ZCWPW2: variants seen among roughly 807,000 people sequenced by gnomAD.
ZCWPW2 encodes zinc finger CW-type PWWP domain protein 2.
ZCWPW2 carries 45 observed loss-of-function variants against 46.6 expected under a neutral mutation model. That is an observed-to-expected ratio of 0.96 (90% confidence interval 0.76 to 1.24). The LOEUF (loss-of-function observed/expected upper bound fraction) is 1.24, where lower values mean the gene tolerates loss of function less well. Among genes scored for constraint, ZCWPW2 ranks in the 50% most tolerant of loss-of-function variants. The probability of loss-of-function intolerance (pLI) is 0.00; values close to 1 mark genes in which losing one functional copy is unlikely to be tolerated. For missense variants in ZCWPW2, 429 were observed against 403.9 expected (o/e 1.06, Z -0.53); for synonymous variants, 152 against 137.1 (o/e 1.11, Z -0.76).
chr3:28,487,768 T>C lies in ZCWPW2; in HGVS notation c.611-4359T>C, dbSNP rs555232247. 5.9e-5 allele frequency among the ~76,000 whole-genome samples: 9 copies of C among 152,258 alleles called. No homozygotes were observed. The South Asian group carries it at 6.2e-4, about 11-fold the overall frequency. ...GACATGAGGGGGAGGGAAAGCATTC[T>C]ATGTTCCTATGATAAAGTCTCAGTC... is the stretch of plus-strand genomic sequence containing the variant. On this transcript the variant is annotated intron_variant, in intron 5 of 9. Coordinates refer to ENST00000383768, the MANE Select transcript of ZCWPW2 (RefSeq NM_001040432.4).
At position 28,351,401 on chromosome 3, in the gene ZCWPW2, G is replaced by C. The variant is rs573039354; in HGVS notation, c.-134+2198G>C. 3.3e-5 allele frequency among the ~76,000 whole-genome samples: 5 copies of C among 151,512 alleles called. 1 individual carries two copies. The South Asian group carries it at 1.0e-3, about 32-fold the overall frequency. ...CCGAGACTGGGTTCCCTTTTTCACT[G>C]AATTAGCTTGGACTTCAAAGCAATA... On this transcript the variant is annotated intron_variant, in intron 1 of 9. Coordinates refer to ENST00000383768, the MANE Select transcript of ZCWPW2 (RefSeq NM_001040432.4).
intron 4 of ZCWPW2, among the ~76,000 whole-genome samples, chr3:28,474,853 G>A (rs1699181007): frequency 4.0e-5 from 6 of 151,562 alleles, no homozygotes; most frequent in Admixed American, 3.9e-4. Flanking sequence ...TGTTTGAGAC[G>A]GAGTCTCGCT....
chr3:28,400,081 C>CA (rs1486834374), intron 2 of ZCWPW2, among the ~76,000 whole-genome samples: 1 of 151,598 alleles, frequency 6.6e-6, no homozygotes, highest in Non-Finnish European at 1.5e-5. Context: ...ATAGCATAAA[C>CA]AAAAAAACAA....
chr3:28,387,689 C>A (rs1695325998), intron 1 of ZCWPW2, among the ~76,000 whole-genome samples: 1 of 152,046 alleles, frequency 6.6e-6, no homozygotes, highest in Non-Finnish European at 1.5e-5. Context: ...GCAGTGATAT[C>A]ATAAAAAATG....
chr3:28,431,763 A>T (rs1185774703), intron 3 of ZCWPW2, among the ~76,000 whole-genome samples: 1 of 152,072 alleles, frequency 6.6e-6, no homozygotes, highest in Non-Finnish European at 1.5e-5. Flanking sequence ...AGTTACTATG[A>T]GGTCTAGATA....
intron 1 of ZCWPW2, among the ~76,000 whole-genome samples, chr3:28,357,906 G>T (rs971797781): frequency 6.6e-6 from 1 of 150,492 alleles, no homozygotes; most frequent in Non-Finnish European, 1.5e-5. Flanking sequence ...TACAAAATTA[G>T]ATATGGTTTC....
At chr3:28,432,907 C>A (rs1207790953) in intron 3 of ZCWPW2, among the ~76,000 whole-genome samples, 1 of 152,120 alleles carries the variant, frequency 6.6e-6, no homozygotes, top group Non-Finnish European at 1.5e-5. Flanking sequence ...CATTCTATCC[C>A]TGGTCTTGAT....
rs1197123927 is a variant in ZCWPW2 at position 28,380,961 on chromosome 3, T to A, written c.-133-9537T>A. On this transcript the variant is annotated intron_variant, in intron 1 of 9. Transcript: ENST00000383768. Reference sequence around the variant, plus strand: ...ATATATATATATATATATATATATATATATATATATTTGGTATATATATAT... The same window carrying A: ...ATATATATATATATATATATATATAAATATATATATTTGGTATATATATAT... Among the ~76,000 whole-genome samples the A allele has an allele frequency of 1.6e-4, 9 of 55,404 alleles. 2 individuals are homozygous for A. The highest frequency in any genetic ancestry group is 2.5e-4 in the Non-Finnish European group (8 of 31,870). 36.3% of individuals were successfully genotyped at this position (55,404 alleles called of 152,430 possible).
intron 1 of ZCWPW2, among the ~76,000 whole-genome samples, chr3:28,353,275 T>A (rs1159470597): frequency 4.6e-5 from 7 of 152,326 alleles, no homozygotes; most frequent in East Asian, 3.9e-4. Context: ...TTTAATGAGG[T>A]CACAGTATTA....
intron 3 of ZCWPW2, among the ~76,000 whole-genome samples, chr3:28,430,716 G>C (rs1482737343): frequency 6.6e-6 from 1 of 152,134 alleles, no homozygotes; most frequent in African/African-American, 2.4e-5. Flanking sequence ...ATTAGATCAT[G>C]GGGCAGTTCC....
intron 5 of ZCWPW2, among the ~76,000 whole-genome samples, chr3:28,482,469 C>T (rs1038355873): frequency 2.6e-5 from 4 of 152,146 alleles, no homozygotes; most frequent in Non-Finnish European, 5.9e-5. Flanking sequence ...CATATATGTG[C>T]AGGTTTTTGT....
chr3:28,463,394 T>G (rs1472785171), intron 4 of ZCWPW2, among the ~76,000 whole-genome samples: 2 of 152,190 alleles, frequency 1.3e-5, no homozygotes, highest in Non-Finnish European at 2.9e-5. Flanking sequence ...AGCTAGGTTC[T>G]TGGAAGTTTT....
rs543320411 is a variant in ZCWPW2 at position 28,433,771 on chromosome 3, A to G, written c.333-1339A>G. ...ACTCCCTCTTAAAAAAAAAAAAAAC[A>G]AAAAACAAAAAACAAAAAAAACTTA... On this transcript the variant is annotated intron_variant, in intron 3 of 9. Coordinates refer to ENST00000383768, the MANE Select transcript of ZCWPW2 (RefSeq NM_001040432.4). Among the ~76,000 whole-genome samples the G allele has an allele frequency of 6.5e-3, 622 of 96,376 alleles. 5 individuals carry two copies. The highest frequency in any genetic ancestry group is 9.3e-3 in the Non-Finnish European group (371 of 39,686). The allele number at this position is 96,376 out of a possible 152,430, so 63.2% of individuals were successfully genotyped here.
At chr3:28,391,489 A>G (rs1695488978) in intron 2 of ZCWPW2, among the ~76,000 whole-genome samples, 1 of 152,152 alleles carries the variant, frequency 6.6e-6, no homozygotes, top group Non-Finnish European at 1.5e-5. Context: ...AGTGGAACAA[A>G]TAATAGACAA....
At chr3:28,428,156 C>T (rs1038487965) in intron 3 of ZCWPW2, 3 of 152,332 alleles carry the variant, frequency 2.0e-5, no homozygotes, top group Non-Finnish European at 2.9e-5. Flanking sequence ...TAATAACAGT[C>T]GCCAAACAAT....
chr3:28,390,045 A>G (rs1227018483), intron 1 of ZCWPW2, among the ~76,000 whole-genome samples: 1 of 152,210 alleles, frequency 6.6e-6, no homozygotes, highest in East Asian at 1.9e-4. Flanking sequence ...ACCATGGCCC[A>G]GCCAAGCTGA....
intron 1 of ZCWPW2, among the ~76,000 whole-genome samples, chr3:28,373,221 G>C (rs1484941418): frequency 6.6e-6 from 1 of 152,108 alleles, no homozygotes; most frequent in Non-Finnish European, 1.5e-5. Flanking sequence ...GTTTTTTGGA[G>C]GGACATCTAT....
intron 4 of ZCWPW2, among the ~76,000 whole-genome samples, chr3:28,449,204 G>C (rs1281002815): frequency 6.6e-6 from 1 of 152,102 alleles, no homozygotes; most frequent in African/African-American, 2.4e-5. Flanking sequence ...ACTGAAGCTA[G>C]ACCCTTACCT....
chr3:28,354,181 C>T (rs923809559), intron 1 of ZCWPW2, among the ~76,000 whole-genome samples: 19 of 151,622 alleles, frequency 1.3e-4, no homozygotes, highest in East Asian at 3.9e-4. Flanking sequence ...ATATCACCAC[C>T]GATCCCACAG....
Sources: gnomAD v4.1 joint callset for allele counts (sites outside exome capture counted in the v4.1 genomes callset) on GRCh38, gnomAD v4.1.1 for gene constraint, MANE v1.5 for transcripts, NCBI Gene and HGNC (gene_info 2026-07-23, HGNC 2026-07-21) for gene names.